The following DDR2 variants were observed in gnomAD, a reference collection of about 807,000 sequenced individuals.
The protein encoded by DDR2 is discoidin domain receptor tyrosine kinase 2.
DDR2 carries 27 observed loss-of-function variants against 94.9 expected under a neutral mutation model. The observed-to-expected ratio is 0.28, with a 90% CI of 0.21 to 0.39. DDR2 has a LOEUF of 0.39. Ranked by LOEUF, DDR2 falls within the 10% of genes least tolerant of loss-of-function variation. DDR2 has a pLI of 1.00. For missense variants in DDR2, 783 were observed against 1,076.0 expected (o/e 0.73, Z 3.81); for synonymous variants, 382 against 377.2 (o/e 1.01, Z -0.15).
chr1:162,721,920 T>C (rs1661441717), intron 3 of DDR2, among the ~76,000 whole-genome samples: 1 of 152,214 alleles, frequency 6.6e-6, no homozygotes, highest in South Asian at 2.1e-4. Flanking sequence ...AATAAAATAA[T>C]AATTAGTTGA....
intron 11 of DDR2, among the ~76,000 whole-genome samples, chr1:162,769,046 G>C (rs531542407): frequency 9.2e-5 from 14 of 152,292 alleles, no homozygotes; most frequent in African/African-American, 3.4e-4. Flanking sequence ...AGCCAAGGGG[G>C]AAAGTCTGTG....
chr1:162,644,520 G>A (rs1372712562), intron 1 of DDR2, among the ~76,000 whole-genome samples: 1 of 152,106 alleles, frequency 6.6e-6, no homozygotes, highest in East Asian at 1.9e-4. Flanking sequence ...TGATCATGGT[G>A]TATGACACTT....
At chr1:162,645,553 G>T (rs1293379688) in intron 1 of DDR2, among the ~76,000 whole-genome samples, 3 of 152,190 alleles carry the variant, frequency 2.0e-5, no homozygotes, top group African/African-American at 7.2e-5. Flanking sequence ...AATCACTAGT[G>T]TGGAACTTAA....
In DDR2 at chr1:162,770,425, C is replaced by A. The variant is rs771675675; in HGVS notation, c.1417C>A (p.Arg473Ser). ...SEQGSNSTYD[R>S]IFPLRPDYQE... is the part of the protein sequence containing the mutation. Reference sequence around the variant, plus strand: ...ACAAGGGTCCAACTCGACTTACGATCGCATCTTTCCCCTTCGCCCTGACTA... The same window carrying A: ...ACAAGGGTCCAACTCGACTTACGATAGCATCTTTCCCCTTCGCCCTGACTA... Residue 473 changes from arginine (R) to serine (S), a missense_variant, in exon 12 of 18, where the codon CGC becomes AGC. Transcript: ENST00000367921. 1.2e-6 allele frequency: 2 copies of A among 1,614,070 alleles called. No homozygotes were observed. Among genetic ancestry groups the A allele is most frequent in the Non-Finnish European group, 1.7e-6 (2 of 1,180,026 alleles).
intron 9 of DDR2, among the ~76,000 whole-genome samples, chr1:162,764,950 G>A (rs1663922622): frequency 6.6e-6 from 1 of 152,146 alleles, no homozygotes; most frequent in Non-Finnish European, 1.5e-5. Context: ...AGAAAATAGA[G>A]CATATTTTTA....
intron 1 of DDR2, among the ~76,000 whole-genome samples, chr1:162,642,395 C>G (rs1245365054): frequency 6.6e-6 from 1 of 152,058 alleles, no homozygotes; most frequent in African/African-American, 2.4e-5. Flanking sequence ...GCCTCAGCCT[C>G]CCGAGTAGCT....
chr1:162,748,329 A>G (rs919297254), intron 3 of DDR2, among the ~76,000 whole-genome samples: 7 of 152,202 alleles, frequency 4.6e-5, no homozygotes, highest in African/African-American at 1.7e-4. Context: ...ATGGAAAACA[A>G]AAAAAGGCAG....
chr1:162,674,344 AG>A, intron 2 of DDR2, among the ~76,000 whole-genome samples: 1 of 152,286 alleles, frequency 6.6e-6, no homozygotes, highest in East Asian at 1.9e-4. Flanking sequence ...GTAAAGCAAA[AG>A]GGGTGGTCTG....
intron 2 of DDR2, among the ~76,000 whole-genome samples, chr1:162,700,486 A>T (rs1571215728): frequency 1.3e-5 from 2 of 152,220 alleles, no homozygotes; most frequent in Non-Finnish European, 2.9e-5. Flanking sequence ...ATTCTCAGGC[A>T]GCTAAGACCT....
intron 12 of DDR2, among the ~76,000 whole-genome samples, chr1:162,771,157 A>G (rs1664248076): frequency 6.6e-6 from 1 of 152,216 alleles, no homozygotes; most frequent in African/African-American, 2.4e-5. Context: ...AGTTGATTCA[A>G]ATTTCGATGT....
At chr1:162,690,028 AGAC>A (rs1471762037) in intron 2 of DDR2, among the ~76,000 whole-genome samples, 3 of 150,756 alleles carry the variant, frequency 2.0e-5, no homozygotes, top group Non-Finnish European at 4.4e-5. Flanking sequence ...AAAAAAAAAA[AGAC>A]AGAATGCTGA....
intron 2 of DDR2, among the ~76,000 whole-genome samples, chr1:162,688,434 A>G (rs1659796279): frequency 6.6e-6 from 1 of 152,234 alleles, no homozygotes; most frequent in Non-Finnish European, 1.5e-5. Flanking sequence ...TTTTACCAAT[A>G]TGGCAACTGA....
intron 9 of DDR2, among the ~76,000 whole-genome samples, chr1:162,765,301 C>T (rs1663937023): frequency 6.6e-6 from 1 of 152,072 alleles, no homozygotes; most frequent in Non-Finnish European, 1.5e-5. Flanking sequence ...CCAGATACCT[C>T]CTTATTTATA....
At chr1:162,673,600 TGTGTGTGTGAGA>T (rs1477315767) in intron 2 of DDR2, among the ~76,000 whole-genome samples, 1 of 131,724 alleles carries the variant, frequency 7.6e-6, no homozygotes. Context: ...TGTGTATGTG[TGTGTGTGTGAGA>T]GAGAGAGAGA....
At chr1:162,720,685 T>C (rs1256499555) in intron 3 of DDR2, among the ~76,000 whole-genome samples, 1 of 152,128 alleles carries the variant, frequency 6.6e-6, no homozygotes, top group African/African-American at 2.4e-5. Context: ...TGGAACTTCA[T>C]ATGTGTAGCA....
At chr1:162,721,895 A>G (rs541590080) in intron 3 of DDR2, among the ~76,000 whole-genome samples, 167 of 152,278 alleles carry the variant, frequency 1.1e-3, no homozygotes, top group African/African-American at 3.7e-3. Flanking sequence ...TAAGCATTAA[A>G]CTCAATAAAA....
At chr1:162,755,893 T>C in intron 7 of DDR2, 124 bp downstream of exon 7, 1 of 872,678 alleles carries the variant, frequency 1.1e-6, no homozygotes, top group Non-Finnish European at 1.8e-6. Context: ...GTACAAGGCA[T>C]TTGGAAATAA....
chr1:162,683,883 G>A (rs929172317), intron 2 of DDR2, among the ~76,000 whole-genome samples: 12 of 152,072 alleles, frequency 7.9e-5, no homozygotes, highest in Non-Finnish European at 1.3e-4. Flanking sequence ...TAGATAGAAA[G>A]AGGATTATTC....
intron 2 of DDR2, among the ~76,000 whole-genome samples, chr1:162,660,335 T>G (rs1658227594): frequency 6.6e-6 from 1 of 152,072 alleles, no homozygotes; most frequent in Non-Finnish European, 1.5e-5. Context: ...GTAGAGGAGG[T>G]AGGCGGCGGT....
Sources: gnomAD v4.1 joint callset for allele counts (sites outside exome capture counted in the v4.1 genomes callset) on GRCh38, gnomAD v4.1.1 for gene constraint, MANE v1.5 for transcripts, NCBI Gene and HGNC (gene_info 2026-07-23, HGNC 2026-07-21) for gene names.